Variants in SNAP29 observed in about 807,000 individuals in gnomAD.
SNAP29 encodes synaptosomal-associated protein 29.
Under a neutral mutation model 27.9 loss-of-function variants are expected in SNAP29, and 13 were observed. The observed-to-expected ratio is 0.47, with a 90% CI of 0.30 to 0.74. SNAP29 has a LOEUF of 0.74. Ranked by LOEUF, SNAP29 falls within the 30% of genes least tolerant of loss-of-function variation. The pLI is 0.06. For synonymous variants in SNAP29, 119 were observed against 127.1 expected (o/e 0.94, Z 0.43); for missense variants, 368 against 336.5 (o/e 1.09, Z -0.73).
intron 2 of SNAP29, among the ~76,000 whole-genome samples, chr22:20,872,686 C>T (rs950313244): frequency 3.9e-5 from 6 of 152,112 alleles, no homozygotes; most frequent in Non-Finnish European, 8.8e-5. Context: ...AGGCGTGAGC[C>T]ACCACATCCG....
intron 4 of SNAP29, among the ~76,000 whole-genome samples, chr22:20,884,947 G>A (rs1285399064): frequency 6.6e-6 from 1 of 152,052 alleles, no homozygotes; most frequent in East Asian, 1.9e-4. Context: ...AGCTAATTTT[G>A]TATTTTTAGT....
In SNAP29 at chr22:20,870,334, C is replaced by A. The variant is rs751811953; in HGVS notation, c.238-3C>A. The stretch of plus-strand genomic sequence containing the variant: ...TAATGCCACTGCCTCTCGGTTTCCC[C>A]AGGAGCTCGCCCGTCAGCGAGGAGT... On this transcript the variant is annotated splice_polypyrimidine_tract_variant and splice_region_variant and intron_variant, in intron 1 of 4. Coordinates refer to ENST00000215730, the MANE Select transcript of SNAP29 (RefSeq NM_004782.4). 1.2e-6 allele frequency: 2 copies of A among 1,614,092 alleles called. No homozygotes were observed. Among genetic ancestry groups the A allele is most frequent in the South Asian group, 2.2e-5 (2 of 91,066 alleles).
At chr22:20,879,348 A>G (rs1444691056) in intron 2 of SNAP29, among the ~76,000 whole-genome samples, 1 of 148,624 alleles carries the variant, frequency 6.7e-6, no homozygotes, top group South Asian at 2.1e-4. Flanking sequence ...ACAGTGGCTC[A>G]TGCCTGCATG....
chr22:20,889,081 A>T lies in SNAP29; in HGVS notation c.*1245A>T, dbSNP rs1033421789. 5.9e-5 allele frequency: 9 copies of T among 152,166 alleles called. No individual in the cohort carries two copies. The highest frequency in any genetic ancestry group is 7.4e-5 in the Non-Finnish European group (5 of 68,020). 9.4% of individuals were successfully genotyped at this position (152,166 alleles called of 1,614,324 possible). A position where few individuals can be genotyped will look rare whatever the true frequency, so the allele number is the denominator to read the frequency against. On this transcript the variant is annotated 3_prime_UTR_variant, in exon 5 of 5. Transcript: ENST00000215730. ...GGAGCCACAAGGCCCTTGTCTTTTT[A>T]AAAAAACAAAATATTTTGAAGATGG...
intron 2 of SNAP29, among the ~76,000 whole-genome samples, chr22:20,871,651 G>A (rs927484024): frequency 6.6e-6 from 1 of 152,126 alleles, no homozygotes; most frequent in Non-Finnish European, 1.5e-5. Context: ...GGGAGGCCGA[G>A]GCGGGTGGAT....
chr22:20,870,297 C>T (rs1485013955), intron 1 of SNAP29, 40 bp from the exon 2 acceptor site: 1 of 1,602,580 alleles, frequency 6.2e-7, no homozygotes. Context: ...GGGGGAGAGT[C>T]ACAGAAAGCT....
chr22:20,859,051 G>T lies in SNAP29; in HGVS notation c.-60G>T. 2 of 1,457,848 alleles carry T rather than the reference G, an allele frequency of 1.4e-6. No homozygotes were observed. The highest frequency in any genetic ancestry group is 1.9e-6 in the Non-Finnish European group (2 of 1,054,084). 90.3% of individuals were successfully genotyped at this position (1,457,848 alleles called of 1,614,324 possible). Reference sequence around the variant, plus strand: ...GGTCGGCGGGCGGGGCGAGGCCCTGGACGGCGGCGGCAGTGGGGCTCCTCC... The same window carrying T: ...GGTCGGCGGGCGGGGCGAGGCCCTGTACGGCGGCGGCAGTGGGGCTCCTCC... On this transcript the variant is annotated 5_prime_UTR_variant, in exon 1 of 5. Coordinates refer to ENST00000215730, the MANE Select transcript of SNAP29 (RefSeq NM_004782.4).
rs1423078780 is a variant in SNAP29 at position 20,877,505 on chromosome 22, A to G, written c.435-3544A>G. Among the ~76,000 whole-genome samples the G allele has an allele frequency of 2.0e-5, 3 of 152,010 alleles. No homozygotes were observed. In the East Asian group the frequency reaches 5.8e-4, roughly 29 times the overall value. ...AGGGAGGCAGAGGTTGCAGTAAGCC[A>G]AGATCGCACCATTGTACCCCAGCCT... On this transcript the variant is annotated intron_variant, in intron 2 of 4. Coordinates refer to ENST00000215730, the MANE Select transcript of SNAP29 (RefSeq NM_004782.4).
chr22:20,869,087 C>T (rs997319787), intron 1 of SNAP29, among the ~76,000 whole-genome samples: 29 of 152,124 alleles, frequency 1.9e-4, no homozygotes, highest in Middle Eastern at 3.2e-3. Context: ...GGTGAAACCC[C>T]GTCTCTACCA....
chr22:20,870,232 A>T (rs1928554001), intron 1 of SNAP29, 105 bp from the exon 2 acceptor site: 1 of 949,660 alleles, frequency 1.1e-6, no homozygotes, highest in Non-Finnish European at 1.7e-6. Flanking sequence ...CCGTCTCCAG[A>T]TGTGCCCACT....
Position 20,883,489 on chromosome 22 carries a change from C to T in SNAP29, c.539C>T (p.Ala180Val). The change falls in exon 4 of 5, where the codon GCT becomes GTT. Residue 180 changes from alanine (A) to valine (V), a missense_variant. Transcript: ENST00000215730. ...AACTTAGACCCTGTCCCCAGAGGGG[C>T]TGGTTCTGCCATGAGTACTGATGCT... ...LDDTDPVPRG[A>V]GSAMSTDAYP... 6.2e-7 allele frequency: 1 copy of T among 1,612,570 alleles called. No homozygotes were observed. The highest frequency in any genetic ancestry group is 8.5e-7 in the Non-Finnish European group (1 of 1,178,658).
intron 1 of SNAP29, among the ~76,000 whole-genome samples, chr22:20,866,755 G>A (rs546175896): frequency 6.6e-6 from 1 of 152,054 alleles, no homozygotes; most frequent in East Asian, 1.9e-4. Context: ...CCAACTCTTC[G>A]TTGTGATTTG....
intron 2 of SNAP29, among the ~76,000 whole-genome samples, chr22:20,876,538 A>G (rs1315017838): frequency 2.0e-5 from 3 of 148,294 alleles, no homozygotes; most frequent in Non-Finnish European, 4.5e-5. Context: ...GATTGCAGGC[A>G]TGAGCCACTG....
In SNAP29 at chr22:20,874,475, T is replaced by C. The variant is rs1489490084; in HGVS notation, c.434+3942T>C. ...CTGAGGTGGACCCGACCTTTTGGCT[T>C]AGGTGGGAGGATCACCTGAACCCAG... On this transcript the variant is annotated intron_variant, in intron 2 of 4. Transcript: ENST00000215730. Among the ~76,000 whole-genome samples the C allele has an allele frequency of 1.3e-5, 2 of 149,866 alleles. 1 individual carries two copies. The highest frequency in any genetic ancestry group is 4.9e-5 in the African/African-American group (2 of 40,482).
At chr22:20,878,438 C>T (rs919448333) in intron 2 of SNAP29, among the ~76,000 whole-genome samples, 3 of 152,046 alleles carry the variant, frequency 2.0e-5, no homozygotes, top group East Asian at 1.9e-4. Context: ...ATTAGCCGGG[C>T]GTGGTGGCGG....
chr22:20,861,124 T>G (rs960462017), intron 1 of SNAP29, among the ~76,000 whole-genome samples: 1 of 150,074 alleles, frequency 6.7e-6, no homozygotes, highest in African/African-American at 2.5e-5. Flanking sequence ...TGTGGTTTTT[T>G]TTTTTTTTTT....
chr22:20,874,509 A>T (rs1457654057), intron 2 of SNAP29, among the ~76,000 whole-genome samples: 1 of 150,220 alleles, frequency 6.7e-6, no homozygotes, highest in East Asian at 2.0e-4. Flanking sequence ...AGGGAGGTTG[A>T]GCCTACAATG....
chr22:20,874,349 CCACACACACACACACACACA>C (rs361854), intron 2 of SNAP29, among the ~76,000 whole-genome samples: 3,939 of 123,528 alleles, frequency 0.032, 67 homozygotes, highest in Non-Finnish European at 0.049. Context: ...CGAAAATTAG[CCACACACACACACACACACA>C]CACACACACA....
At chr22:20,882,979 T>G (rs995782518) in intron 3 of SNAP29, among the ~76,000 whole-genome samples, 1 of 151,238 alleles carries the variant, frequency 6.6e-6, no homozygotes, top group Non-Finnish European at 1.5e-5. Flanking sequence ...TTGTGGCAAA[T>G]GTGCATTATT....
Sources: gnomAD v4.1 joint callset for allele counts (sites outside exome capture counted in the v4.1 genomes callset) on GRCh38, gnomAD v4.1.1 for gene constraint, MANE v1.5 for transcripts, NCBI Gene and HGNC (gene_info 2026-07-23, HGNC 2026-07-21) for gene names.